The following R3HDM4 variants were observed in gnomAD, a reference collection of about 807,000 sequenced individuals.
R3HDM4 encodes R3H domain containing 4, also known as R3H domain-containing protein 4.
R3HDM4 carries 30 observed loss-of-function variants against 31.3 expected under a neutral mutation model. The observed-to-expected ratio is 0.96, with a 90% confidence interval of 0.72 to 1.30. The LOEUF (loss-of-function observed/expected upper bound fraction) is 1.30. R3HDM4 is among the 50% of genes most tolerant of loss of function. The pLI, the probability that R3HDM4 is intolerant of heterozygous loss-of-function variation, is 0.00. For missense variants in R3HDM4, 444 were observed against 366.1 expected, an observed-to-expected ratio of 1.21 and a Z score of -1.74; for synonymous variants, 196 against 156.6, an observed-to-expected ratio of 1.25 and a Z score of -1.88.
At chr19:906,478 A>G (rs1286867722) in intron 1 of R3HDM4, among the ~76,000 whole-genome samples, 1 of 152,122 alleles carries the variant, frequency 6.6e-6, no homozygotes, top group Non-Finnish European at 1.5e-5. Flanking sequence ...TTGGCCTCCC[A>G]AAGTGCTGGG....
At chr19:911,339 G>A (rs2036969217) in intron 1 of R3HDM4, among the ~76,000 whole-genome samples, 5 of 152,176 alleles carry the variant, frequency 3.3e-5, no homozygotes, top group Admixed American at 3.3e-4. Flanking sequence ...AGGTACTGGG[G>A]AGGCTGCCGC....
Position 907,237 on chromosome 19 carries a change from G to A in R3HDM4, c.72-5107C>T, listed in dbSNP as rs995551999. Among the ~76,000 whole-genome samples, 4 of 152,158 alleles carry A rather than the reference G, an allele frequency of 2.6e-5. No homozygotes were observed. The highest frequency in any genetic ancestry group is 2.9e-5 in the Non-Finnish European group (2 of 68,026). ...CTCAGCACAGAGCACAGCAGCCGAC[G>A]GGTACTCAGTGGGAATACAGGGTCA... is the stretch of plus-strand genomic sequence containing the variant. On this transcript the variant is annotated intron_variant, in intron 1 of 7. Transcript: ENST00000361574. This position sits in a 1 kb window ranked among gnomAD's most constrained non-coding sequence, Gnocchi z 4.1.
At position 896,694 on chromosome 19, in the gene R3HDM4, C is replaced by A. The variant is rs1219998806; in HGVS notation, c.*743G>T. 6.6e-6 allele frequency: 1 copy of A among 152,518 alleles called. No individual in the cohort carries two copies. Among genetic ancestry groups the A allele is most frequent in the African/African-American group, 2.4e-5 (1 of 41,338 alleles). 9.4% of individuals were successfully genotyped at this position (152,518 alleles called of 1,614,324 possible). A position where few individuals can be genotyped will look rare whatever the true frequency, so the allele number is the denominator to read the frequency against. ...AGGGGACACGGGATGGGGTGACAGA[C>A]AAGGTAGTGCAAGGGCAGAGGCTTC... is the stretch of plus-strand genomic sequence containing the variant. On this transcript the variant is annotated 3_prime_UTR_variant, in exon 8 of 8. Transcript: ENST00000361574. This position sits in a 1 kb window ranked among gnomAD's most constrained non-coding sequence, Gnocchi z 4.0.
intron 1 of R3HDM4, among the ~76,000 whole-genome samples, chr19:904,045 T>C (rs573123655): frequency 3.3e-5 from 5 of 152,220 alleles, no homozygotes; most frequent in Admixed American, 6.5e-5. Context: ...AGCGAGACTC[T>C]GTCTCAAAAG....
chr19:911,362 T>G (rs1386008108), intron 1 of R3HDM4, among the ~76,000 whole-genome samples: 3 of 152,186 alleles, frequency 2.0e-5, no homozygotes, highest in East Asian at 3.8e-4. Flanking sequence ...GAGAATCGCT[T>G]GAACCCAGGA....
At chr19:904,391 A>C (rs1293822673) in intron 1 of R3HDM4, among the ~76,000 whole-genome samples, 1 of 152,206 alleles carries the variant, frequency 6.6e-6, no homozygotes, top group East Asian at 1.9e-4. Flanking sequence ...CCTCAATAAA[A>C]ATTCTGTGAT....
At chr19:902,182 C>G in intron 1 of R3HDM4, 52 bp from the exon 2 acceptor site, 1 of 1,596,782 alleles carries the variant, frequency 6.3e-7, no homozygotes, top group South Asian at 1.1e-5. Flanking sequence ...CCAGGATCTC[C>G]GAGAAGGGCC....
chr19:910,097 C>T (rs997778769), intron 1 of R3HDM4, among the ~76,000 whole-genome samples: 3 of 150,458 alleles, frequency 2.0e-5, no homozygotes, highest in African/African-American at 7.3e-5. Context: ...AGGCCAAGGC[C>T]GGTGGATCAC....
intron 2 of R3HDM4, 155 bp from the exon 3 acceptor site, chr19:901,701 A>G (rs964655347): frequency 5.5e-5 from 58 of 1,048,218 alleles, no homozygotes; most frequent in Admixed American, 8.5e-5. Flanking sequence ...GAGACCACCT[A>G]GACCCCAGGT....
chr19:910,929 C>CCAACAGGA, intron 1 of R3HDM4, among the ~76,000 whole-genome samples: 1 of 151,292 alleles, frequency 6.6e-6, no homozygotes, highest in East Asian at 1.9e-4. Context: ...ACCATCCTGG[C>CCAACAGGA]TCACACGGCA....
At chr19:901,669 A>G (rs141121562) in intron 2 of R3HDM4, 123 bp from the exon 3 acceptor site, 71 of 1,304,200 alleles carry the variant, frequency 5.4e-5, no homozygotes, top group Non-Finnish European at 6.5e-5. Flanking sequence ...CCATGCTCCA[A>G]CTGTCTTCCC....
At chr19:912,678 G>A (rs1170486671) in intron 1 of R3HDM4, among the ~76,000 whole-genome samples, 6 of 124,806 alleles carry the variant, frequency 4.8e-5, no homozygotes, top group Non-Finnish European at 1.0e-4. Context: ...CGGACCCGGA[G>A]AGTGAGGGGG....
At chr19:901,216 A>C in intron 3 of R3HDM4, 1 of 665,040 alleles carries the variant, frequency 1.5e-6, no homozygotes, top group Non-Finnish European at 2.5e-6. Context: ...CGTGTTGGGC[A>C]GGTGAATCCA....
chr19:897,160 C>T lies in R3HDM4; in HGVS notation c.*277G>A, dbSNP rs1434315392. The T allele has an allele frequency of 1.8e-5, 7 of 383,582 alleles. No homozygotes were observed. The highest frequency in any genetic ancestry group is 4.1e-5 in the African/African-American group (2 of 48,322). The allele number at this position is 383,582 out of a possible 1,614,324, so 23.8% of individuals were successfully genotyped here. Reference sequence around the variant, plus strand: ...TTCAGACCGGGCCAGAAAAGCTCAACGATGAAGAAACAGGAACATGCCCAG... The same window carrying T: ...TTCAGACCGGGCCAGAAAAGCTCAATGATGAAGAAACAGGAACATGCCCAG... On this transcript the variant is annotated 3_prime_UTR_variant, in exon 8 of 8. Transcript: ENST00000361574.
At chr19:912,100 TGGGGG>T (rs1256845197) in intron 1 of R3HDM4, among the ~76,000 whole-genome samples, 1 of 444 alleles carries the variant, frequency 2.3e-3, no homozygotes, top group Non-Finnish European at 5.8e-3. Context: ...CCCGGGGAGG[TGGGGG>T]GGGGGGTGGA....
intron 1 of R3HDM4, among the ~76,000 whole-genome samples, chr19:910,895 A>C (rs539738566): frequency 6.6e-6 from 1 of 151,886 alleles, no homozygotes; most frequent in African/African-American, 2.4e-5. Flanking sequence ...CAAGGCGGGC[A>C]GATCACAAGG....
intron 1 of R3HDM4, among the ~76,000 whole-genome samples, chr19:903,752 G>A (rs966066807): frequency 7.9e-5 from 12 of 151,662 alleles, no homozygotes; most frequent in African/African-American, 1.2e-4. Flanking sequence ...GAGCAAGACC[G>A]TGTCTCAAAA....
At chr19:912,970 A>C in intron 1 of R3HDM4, 117 bp downstream of exon 1, 4 of 267,618 alleles carry the variant, frequency 1.5e-5, no homozygotes, top group Admixed American at 6.9e-5. Flanking sequence ...AGCGAGGGGA[A>C]CGAAGGGAAC....
At chr19:901,752 C>T (rs2036840149) in intron 2 of R3HDM4, 2 of 865,662 alleles carry the variant, frequency 2.3e-6, no homozygotes, top group East Asian at 5.2e-5. Context: ...AAAGCCCCAG[C>T]TCCAATGCCC....
Sources: gnomAD v4.1 joint callset for allele counts (sites outside exome capture counted in the v4.1 genomes callset) on GRCh38, gnomAD v4.1.1 for gene constraint, Gnocchi (gnomAD v3.1) non-coding constraint, MANE v1.5 for transcripts, NCBI Gene and HGNC (gene_info 2026-07-23, HGNC 2026-07-21) for gene names.